Variants in DSCAML1 observed in about 807,000 individuals in gnomAD.
DSCAML1 encodes the protein cell adhesion molecule DSCAML1.
In DSCAML1, 38 loss-of-function variants were observed where a neutral mutation model predicts 200.5. The observed-to-expected ratio is 0.19, with a 90% CI of 0.15 to 0.25. The LOEUF is 0.25. DSCAML1 is among the 10% of genes least tolerant of loss of function. The pLI is 1.00. For missense variants in DSCAML1, 2,223 were observed against 2,858.8 expected, an observed-to-expected ratio of 0.78 and a Z score of 5.07; for synonymous variants, 1,215 against 1,165.0, an observed-to-expected ratio of 1.04 and a Z score of -0.87.
At chr11:117,797,771 C>A (rs1473417570), upstream of DSCAML1, among the ~76,000 whole-genome samples, 1 of 152,174 alleles carries the variant, frequency 6.6e-6, no homozygotes, top group Non-Finnish European at 1.5e-5. Flanking sequence ...GCACGCTGTT[C>A]GAATTTTCCT....
intron 11 of DSCAML1, among the ~76,000 whole-genome samples, chr11:117,490,048 G>A (rs986321037): frequency 3.3e-5 from 5 of 152,144 alleles, no homozygotes; most frequent in Non-Finnish European, 7.3e-5. Context: ...ATAACCATGC[G>A]GAAACTCCAG....
chr11:117,751,849 C>T (rs1231763632), intron 3 of DSCAML1, among the ~76,000 whole-genome samples: 1 of 152,098 alleles, frequency 6.6e-6, no homozygotes, highest in Admixed American at 6.5e-5. Flanking sequence ...AAGAGGTTTT[C>T]CTTGAAAAGT....
chr11:117,443,604 C>T (rs2242134), intron 21 of DSCAML1, among the ~76,000 whole-genome samples: 44,955 of 152,082 alleles, frequency 0.3, 6,721 homozygotes, highest in Middle Eastern at 0.34. Context: ...GCGACTCCCC[C>T]TTTTTCAAGC....
Position 117,438,986 on chromosome 11 carries a change from G to A in DSCAML1, c.4145-3C>T. 1 of 1,600,576 alleles carries A rather than the reference G, an allele frequency of 6.2e-7. No homozygotes were observed. The highest frequency in any genetic ancestry group is 8.5e-7 in the Non-Finnish European group (1 of 1,175,130). On this transcript the variant is annotated splice_polypyrimidine_tract_variant and splice_region_variant and intron_variant, in intron 23 of 32. Coordinates refer to ENST00000651296, the MANE Select transcript of DSCAML1 (RefSeq NM_020693.4). ...GAGGCGGGGCTGGTCCGGGGGAACT[G>A]TGAGGGGAAAGCCACCACCCCTTAG...
chr11:117,814,595 C>A (rs1316280527), intron 1 of DSCAML1, among the ~76,000 whole-genome samples: 2 of 152,206 alleles, frequency 1.3e-5, no homozygotes, highest in East Asian at 1.9e-4. Context: ...GGAGGGTGCA[C>A]TAAGTGCCCA....
intron 31 of DSCAML1, 35 bp downstream of exon 31, chr11:117,431,496 GGGA>G (rs759473140): frequency 6.7e-7 from 1 of 1,500,938 alleles, no homozygotes; most frequent in South Asian, 1.3e-5. Context: ...GGGAACTGGG[GGGA>G]GGTGTTCAGG....
chr11:117,438,334 G>A (rs989447499), intron 24 of DSCAML1, among the ~76,000 whole-genome samples: 1 of 152,158 alleles, frequency 6.6e-6, no homozygotes, highest in Non-Finnish European at 1.5e-5. Flanking sequence ...GTCTGACGCT[G>A]TCACTTTGGT....
At chr11:117,464,562 C>T (rs2048541377) in intron 17 of DSCAML1, among the ~76,000 whole-genome samples, 1 of 152,146 alleles carries the variant, frequency 6.6e-6, no homozygotes, top group African/African-American at 2.4e-5. Context: ...CAGACTAGAA[C>T]ACAAAGGCAA....
At chr11:117,471,119 G>A (rs562841420) in intron 15 of DSCAML1, among the ~76,000 whole-genome samples, 86 of 151,972 alleles carry the variant, frequency 5.7e-4, no homozygotes, top group Non-Finnish European at 9.6e-4. Flanking sequence ...TATACTCATT[G>A]TTTACCTTAT....
At chr11:117,433,675 C>T (rs574553184) in intron 27 of DSCAML1, among the ~76,000 whole-genome samples, 1 of 152,316 alleles carries the variant, frequency 6.6e-6, no homozygotes, top group African/African-American at 2.4e-5. Flanking sequence ...CAGGATTTGG[C>T]TCAAGTCTGT....
At chr11:117,792,141 C>T (rs1312528923) in intron 1 of DSCAML1, among the ~76,000 whole-genome samples, 1 of 152,208 alleles carries the variant, frequency 6.6e-6, no homozygotes. Flanking sequence ...CTCCCCCTCT[C>T]TACCTCTGTC....
At chr11:117,457,410 G>A (rs2048393331) in intron 19 of DSCAML1, among the ~76,000 whole-genome samples, 1 of 152,234 alleles carries the variant, frequency 6.6e-6, no homozygotes, top group Non-Finnish European at 1.5e-5. Context: ...GCAAGAAGAA[G>A]GCTGGGGGCC....
intron 17 of DSCAML1, among the ~76,000 whole-genome samples, chr11:117,464,677 C>T (rs2048544340): frequency 6.6e-6 from 1 of 152,108 alleles, no homozygotes; most frequent in Non-Finnish European, 1.5e-5. Flanking sequence ...CAGACAAGTG[C>T]TCAGACAGGC....
intron 3 of DSCAML1, among the ~76,000 whole-genome samples, chr11:117,555,298 T>C (rs1422016945): frequency 6.6e-6 from 1 of 152,248 alleles, no homozygotes; most frequent in Non-Finnish European, 1.5e-5. Flanking sequence ...TCTGGACCCC[T>C]GGTGCCTGTG....
chr11:117,450,397 AC>A, intron 20 of DSCAML1, 151 bp downstream of exon 20: 1 of 1,093,136 alleles, frequency 9.1e-7, no homozygotes, highest in Non-Finnish European at 1.3e-6. Flanking sequence ...GGCTTCGGCC[AC>A]TCTGGGTGGC....
chr11:117,580,137 C>G (rs896265728), intron 3 of DSCAML1, among the ~76,000 whole-genome samples: 1 of 152,178 alleles, frequency 6.6e-6, no homozygotes, highest in African/African-American at 2.4e-5. Flanking sequence ...TCTCATGGAA[C>G]AAGGATGGAA....
chr11:117,586,690 T>C (rs528968011), intron 3 of DSCAML1, among the ~76,000 whole-genome samples: 16 of 152,314 alleles, frequency 1.1e-4, no homozygotes, highest in African/African-American at 3.8e-4. Flanking sequence ...TCATGCCTGC[T>C]TCCATGATGG....
chr11:117,604,966 C>T (rs980769756), intron 3 of DSCAML1, among the ~76,000 whole-genome samples: 1 of 152,110 alleles, frequency 6.6e-6, no homozygotes, highest in Non-Finnish European at 1.5e-5. Context: ...TCGGGAGGAA[C>T]CTGACCAGAG....
intron 3 of DSCAML1, among the ~76,000 whole-genome samples, chr11:117,659,023 C>T (rs886760023): frequency 2.0e-5 from 3 of 152,176 alleles, no homozygotes; most frequent in Non-Finnish European, 2.9e-5. Flanking sequence ...CCTCCCTCTC[C>T]TCTGACCCAC....
Sources: gnomAD v4.1 joint callset for allele counts (sites outside exome capture counted in the v4.1 genomes callset) on GRCh38, gnomAD v4.1.1 for gene constraint, MANE v1.5 for transcripts, NCBI Gene and HGNC (gene_info 2026-07-23, HGNC 2026-07-21) for gene names.